The following GFOD1 variants were observed in gnomAD, a reference collection of about 807,000 sequenced individuals.
GFOD1 encodes the protein Gfo/Idh/MocA-like oxidoreductase domain containing 1.
Under a neutral mutation model 25.4 loss-of-function variants are expected in GFOD1, and 9 were observed. The observed-to-expected ratio is 0.35, with a 90% CI of 0.21 to 0.62. The LOEUF is 0.62. Ranked by LOEUF, GFOD1 falls within the 20% of genes least tolerant of loss-of-function variation. The probability of loss-of-function intolerance (pLI) is 0.72; values close to 1 mark genes in which losing one functional copy is unlikely to be tolerated. For missense variants in GFOD1, 403 were observed against 556.9 expected (o/e 0.72, Z 2.78); for synonymous variants, 253 against 245.6 (o/e 1.03, Z -0.28).
intron 1 of GFOD1, among the ~76,000 whole-genome samples, chr6:13,368,841 A>G (rs1434229324): frequency 1.3e-5 from 2 of 152,228 alleles, no homozygotes; most frequent in African/African-American, 2.4e-5. Context: ...GATTTTGATG[A>G]AAGCTCCAGA....
intron 1 of GFOD1, among the ~76,000 whole-genome samples, chr6:13,449,399 C>A (rs1468053185): frequency 6.6e-6 from 1 of 152,184 alleles, no homozygotes; most frequent in Non-Finnish European, 1.5e-5. Context: ...ACCCACAGTT[C>A]TTGCCATGAA....
In GFOD1 at chr6:13,359,775, T is replaced by A. The variant is rs968944594; in HGVS notation, c.*4968A>T. Reference sequence around the variant, plus strand: ...CAGCCTGACCAATATGGGGAAACCTTGTCTCTACTAAAAATACAAAAATTA... The same window carrying A: ...CAGCCTGACCAATATGGGGAAACCTAGTCTCTACTAAAAATACAAAAATTA... On this transcript the variant is annotated 3_prime_UTR_variant, in exon 2 of 2. Transcript: ENST00000379287. 5 of 151,932 alleles carry A rather than the reference T, an allele frequency of 3.3e-5. No individual in the cohort carries two copies. Among genetic ancestry groups the A allele is most frequent in the Admixed American group, 6.6e-5 (1 of 15,248 alleles). The allele number at this position is 151,932 out of a possible 1,614,324, so 9.4% of individuals were successfully genotyped here.
rs148801925 is a variant in GFOD1 at position 13,484,890 on chromosome 6, T to C, written c.253+1748A>G. Among the ~76,000 whole-genome samples, 26 of 152,340 alleles carry C rather than the reference T, an allele frequency of 1.7e-4. No homozygotes were observed. In the East Asian group the frequency reaches 4.8e-3, roughly 28 times the overall value. ...TGTTAACAACATGGTCTTTCAGATA[T>C]GACCAGTCCTAAGCTCTCCAGTATA... On this transcript the variant is annotated intron_variant, in intron 1 of 1. Transcript: ENST00000379287.
At chr6:13,389,506 C>A (rs1335127993) in intron 1 of GFOD1, among the ~76,000 whole-genome samples, 4 of 151,900 alleles carry the variant, frequency 2.6e-5, no homozygotes, top group Non-Finnish European at 5.9e-5. Context: ...AGCAAACTAT[C>A]ACAAGGACAG....
At chr6:13,371,701 C>A (rs1000180862) in intron 1 of GFOD1, among the ~76,000 whole-genome samples, 3 of 152,212 alleles carry the variant, frequency 2.0e-5, no homozygotes, top group Non-Finnish European at 4.4e-5. Context: ...AGAGGTCTGG[C>A]AAAGTCCCCT....
chr6:13,394,140 C>T (rs1343466500), intron 1 of GFOD1, among the ~76,000 whole-genome samples: 1 of 152,018 alleles, frequency 6.6e-6, no homozygotes, highest in East Asian at 1.9e-4. Flanking sequence ...TAAATAGACT[C>T]ATTTAAAAAG....
rs1562209639 is a variant in GFOD1, at chr6:13,409,217, G to GGAA, written c.254-43556_254-43555insTTC. On this transcript the variant is annotated intron_variant, in intron 1 of 1. Coordinates refer to ENST00000379287, the MANE Select transcript of GFOD1 (RefSeq NM_018988.4). ...AGAAAGAAAGAGAAAGAAGGAAAGA[G>GGAA]AGAGAGAGGAAGGAAGGAAGGAGAG... Among the ~76,000 whole-genome samples the GGAA allele has an allele frequency of 2.4e-4, 26 of 107,130 alleles. No homozygotes were observed. The South Asian group carries it at 4.6e-3, about 19-fold the overall frequency. 70.3% of individuals were successfully genotyped at this position (107,130 alleles called of 152,430 possible). A position where few individuals can be genotyped will look rare whatever the true frequency, so the allele number is the denominator to read the frequency against.
intron 1 of GFOD1, among the ~76,000 whole-genome samples, chr6:13,475,056 A>G (rs1758586308): frequency 6.6e-6 from 1 of 152,240 alleles, no homozygotes; most frequent in African/African-American, 2.4e-5. Flanking sequence ...TGCTACCTCA[A>G]CAAAATAAGA....
At chr6:13,429,312 A>C (rs754806559) in intron 1 of GFOD1, among the ~76,000 whole-genome samples, 7 of 152,224 alleles carry the variant, frequency 4.6e-5, no homozygotes, top group Non-Finnish European at 1.5e-5. Context: ...TGTGGCCCCA[A>C]CGTGAAATAA....
rs549712067 is a variant in GFOD1 at position 13,446,371 on chromosome 6, G to T, written c.253+40267C>A. On this transcript the variant is annotated intron_variant, in intron 1 of 1. Coordinates refer to ENST00000379287, the MANE Select transcript of GFOD1 (RefSeq NM_018988.4). Reference sequence around the variant, plus strand: ...GGGGAAAGCATCAAGACAGAGAACTGTATGTGTTAGAACCCGGGGGACCAC... The same window carrying T: ...GGGGAAAGCATCAAGACAGAGAACTTTATGTGTTAGAACCCGGGGGACCAC... Among the ~76,000 whole-genome samples the T allele has an allele frequency of 6.6e-5, 10 of 152,284 alleles. No individual in the cohort carries two copies. In the South Asian group the frequency reaches 2.1e-3, roughly 32 times the overall value.
intron 1 of GFOD1, among the ~76,000 whole-genome samples, chr6:13,375,804 G>C (rs1359641900): frequency 6.6e-6 from 1 of 152,168 alleles, no homozygotes; most frequent in African/African-American, 2.4e-5. Context: ...TTCTCAGATT[G>C]CTTCGTGTGC....
At chr6:13,443,084 T>G (rs926334762) in intron 1 of GFOD1, among the ~76,000 whole-genome samples, 12 of 152,178 alleles carry the variant, frequency 7.9e-5, no homozygotes, top group Admixed American at 1.3e-4. Flanking sequence ...CAGAAGAAAT[T>G]GATTCAAATC....
At chr6:13,439,811 G>A (rs976636499) in intron 1 of GFOD1, among the ~76,000 whole-genome samples, 9 of 152,140 alleles carry the variant, frequency 5.9e-5, no homozygotes, top group African/African-American at 1.9e-4. Context: ...TGAGAAGAAG[G>A]GAGAATACTT....
At chr6:13,469,121 G>A (rs1758431258) in intron 1 of GFOD1, 3 of 364,914 alleles carry the variant, frequency 8.2e-6, no homozygotes, top group Non-Finnish European at 1.1e-5. Flanking sequence ...TTATGTAGGA[G>A]AGGGAGTTGG....
chr6:13,398,332 A>C (rs1368793075), intron 1 of GFOD1, among the ~76,000 whole-genome samples: 2 of 152,226 alleles, frequency 1.3e-5, no homozygotes, highest in African/African-American at 4.8e-5. Flanking sequence ...AGCAGGGATC[A>C]GGAAAATGCT....
At chr6:13,383,723 T>C (rs935629269) in intron 1 of GFOD1, among the ~76,000 whole-genome samples, 2 of 152,192 alleles carry the variant, frequency 1.3e-5, no homozygotes, top group Admixed American at 6.5e-5. Context: ...AAAATGAAAC[T>C]GAAGCTTAAC....
rs767338426 is a variant in GFOD1 at position 13,365,631 on chromosome 6, C to T, written c.285G>A (p.Thr95=). Residue 95 remains threonine, a synonymous_variant, in exon 2 of 2, where the codon ACG becomes ACA. Transcript: ENST00000379287. This position sits in a 1 kb window ranked among gnomAD's most constrained non-coding sequence, Gnocchi z 9.2. ...TGCGGAAAGCGTCCAGCGGCGTGGC[C>T]GTGCGGTCGCAGATGACGTTCTTGC... ...GIGKNVICDR[T]ATPLDAFRMT... is the part of the protein sequence containing the mutation. The T allele has an allele frequency of 3.8e-6, 6 of 1,598,542 alleles. No individual in the cohort carries two copies. The South Asian group carries it at 4.4e-5, about 12-fold the overall frequency.
intron 1 of GFOD1, among the ~76,000 whole-genome samples, chr6:13,472,828 T>C (rs1423071959): frequency 6.6e-6 from 1 of 152,240 alleles, no homozygotes; most frequent in African/African-American, 2.4e-5. Flanking sequence ...AGGGATCTTT[T>C]AAAAGCCTAG....
chr6:13,411,032 C>G (rs1253184868), intron 1 of GFOD1, among the ~76,000 whole-genome samples: 1 of 152,182 alleles, frequency 6.6e-6, no homozygotes, highest in Non-Finnish European at 1.5e-5. Flanking sequence ...CAGGAGGAGC[C>G]CAGCTCCTGC....
Sources: gnomAD v4.1 joint callset for allele counts (sites outside exome capture counted in the v4.1 genomes callset) on GRCh38, gnomAD v4.1.1 for gene constraint, Gnocchi (gnomAD v3.1) non-coding constraint, MANE v1.5 for transcripts, NCBI Gene and HGNC (gene_info 2026-07-23, HGNC 2026-07-21) for gene names.